ANKRD28: variants seen among roughly 807,000 people sequenced by gnomAD.
ANKRD28 encodes ankyrin repeat domain 28.
Under a neutral mutation model 126.5 loss-of-function variants are expected in ANKRD28, and 44 were observed. That is an observed-to-expected ratio of 0.35 (90% CI 0.27 to 0.45). The LOEUF (loss-of-function observed/expected upper bound fraction) is 0.45. ANKRD28 is among the 20% of genes least tolerant of loss of function. The pLI, the probability that ANKRD28 is intolerant of heterozygous loss-of-function variation, is 1.00. For synonymous variants in ANKRD28, 442 were observed against 468.5 expected (o/e 0.94, Z 0.73); for missense variants, 1,110 against 1,316.6 (o/e 0.84, Z 2.43).
intron 1 of ANKRD28, among the ~76,000 whole-genome samples, chr3:15,849,237 T>C (rs1335904596): frequency 6.6e-6 from 1 of 152,222 alleles, no homozygotes; most frequent in African/African-American, 2.4e-5. Flanking sequence ...AATTGATCTA[T>C]TGATTCAATA....
Position 15,721,000 on chromosome 3 carries a change from G to A in ANKRD28, c.911C>T (p.Thr304Ile). 6.2e-7 allele frequency: 1 copy of A among 1,613,874 alleles called. No individual in the cohort carries two copies. The highest frequency in any genetic ancestry group is 8.5e-7 in the Non-Finnish European group (1 of 1,179,818). ...IVNQKNEKGF[T>I]PLHFAAASTH... ...TGATGCAGCAGCAAAGTGCAAAGGA[G>A]TAAATCCTTTTTCATTCTTTTGATT... is the stretch of plus-strand genomic sequence containing the variant. Residue 304 changes from threonine (T) to isoleucine (I), a missense_variant, in exon 8 of 28, where the codon ACT becomes ATT. Physicochemically the swap from Thr to Ile is moderately conservative, Grantham distance 89 (BLOSUM62 -1). Transcript: ENST00000683139.
chr3:15,716,749 T>TA lies in ANKRD28; in HGVS notation c.997-2094dup, dbSNP rs568178817. Among the ~76,000 whole-genome samples, 6 of 152,308 alleles carry TA rather than the reference T, an allele frequency of 3.9e-5. No individual in the cohort carries two copies. The South Asian group carries it at 1.2e-3, about 32-fold the overall frequency. On this transcript the variant is annotated intron_variant, in intron 8 of 27. Transcript: ENST00000683139. Reference sequence around the variant, plus strand: ...TAACAAAATGATGAAATTTGGAAGATATAACTATAGTTAACATTTATGTAT... The same window carrying TA: ...TAACAAAATGATGAAATTTGGAAGATAATAACTATAGTTAACATTTATGTAT...
chr3:15,811,479 G>A (rs1011621926), intron 1 of ANKRD28, among the ~76,000 whole-genome samples: 5 of 151,926 alleles, frequency 3.3e-5, no homozygotes. Context: ...TTTTGAGATA[G>A]AGTCTTGCTC....
At chr3:15,834,600 C>A (rs1293434592) in intron 1 of ANKRD28, among the ~76,000 whole-genome samples, 1 of 152,064 alleles carries the variant, frequency 6.6e-6, no homozygotes, top group Non-Finnish European at 1.5e-5. Flanking sequence ...AGCTAATCAT[C>A]ATAAGGATTG....
chr3:15,744,774 T>C (rs371716993), intron 4 of ANKRD28, among the ~76,000 whole-genome samples: 79 of 152,334 alleles, frequency 5.2e-4, no homozygotes, highest in African/African-American at 1.9e-3. Context: ...AGTGGTGGGA[T>C]TGCTGGATCA....
At position 15,685,985 on chromosome 3, in the gene ANKRD28, A is replaced by G. The variant is rs748403382; in HGVS notation, c.2169+17T>C. ...TCATAAAAGCTTTTTGAAAGGAAAG[A>G]GCATATTTCTGCTTACCCCTCTATG... is the stretch of plus-strand genomic sequence containing the variant. On this transcript the variant is annotated intron_variant, in intron 20 of 27. Transcript: ENST00000683139. The G allele has an allele frequency of 4.4e-6, 7 of 1,596,634 alleles. No homozygotes were observed. The highest frequency in any genetic ancestry group is 6.0e-6 in the Non-Finnish European group (7 of 1,166,500).
rs1026560323 is a variant in ANKRD28 at position 15,839,285 on chromosome 3, A to C, written c.27+20092T>G. Among the ~76,000 whole-genome samples, 4 of 152,104 alleles carry C rather than the reference A, an allele frequency of 2.6e-5. No homozygotes were observed. Among genetic ancestry groups the C allele is most frequent in the East Asian group, 1.9e-4 (1 of 5,202 alleles). On this transcript the variant is annotated intron_variant, in intron 1 of 27. Transcript: ENST00000399451. This position sits in a 1 kb window ranked among gnomAD's most constrained non-coding sequence, Gnocchi z 4.3. The stretch of plus-strand genomic sequence containing the variant: ...ACCTCAATAAACTGTTAAAAAAAAA[A>C]CACACTGATCTAACCAATCACCAGC...
chr3:15,702,393 A>G (rs1011537961), intron 14 of ANKRD28, among the ~76,000 whole-genome samples: 1 of 152,230 alleles, frequency 6.6e-6, no homozygotes, highest in African/African-American at 2.4e-5. Flanking sequence ...CTGTTTGCAC[A>G]TTAACACATG....
intron 2 of ANKRD28, among the ~76,000 whole-genome samples, chr3:15,770,281 T>TA (rs1383933066): frequency 1.3e-5 from 2 of 152,062 alleles, no homozygotes; most frequent in Admixed American, 6.5e-5. Flanking sequence ...TGTGGAACCT[T>TA]AAAGTTTCAG....
At chr3:15,834,636 G>C (rs1435073634) in intron 1 of ANKRD28, among the ~76,000 whole-genome samples, 1 of 152,138 alleles carries the variant, frequency 6.6e-6, no homozygotes, top group Non-Finnish European at 1.5e-5. Flanking sequence ...GGCAAGACTG[G>C]AGAAGGGGAC....
chr3:15,772,938 G>A (rs1314056144), intron 2 of ANKRD28, among the ~76,000 whole-genome samples: 3 of 152,066 alleles, frequency 2.0e-5, no homozygotes, highest in African/African-American at 4.8e-5. Context: ...ACAGCTGACA[G>A]GTAATTTAAT....
chr3:15,785,614 T>C (rs548840454), intron 2 of ANKRD28, among the ~76,000 whole-genome samples: 27 of 152,210 alleles, frequency 1.8e-4, no homozygotes, highest in Non-Finnish European at 3.5e-4. Flanking sequence ...ATACCTGCTA[T>C]GAGTGCACAC....
chr3:15,762,840 G>C (rs2058562295), intron 3 of ANKRD28, among the ~76,000 whole-genome samples: 1 of 152,026 alleles, frequency 6.6e-6, no homozygotes, highest in African/African-American at 2.4e-5. Flanking sequence ...AATCTCATTT[G>C]CTTCTTTAAG....
In ANKRD28 at chr3:15,838,623, C is replaced by A. The variant is rs532683205; in HGVS notation, c.27+20754G>T. Among the ~76,000 whole-genome samples the A allele has an allele frequency of 6.6e-6, 1 of 151,990 alleles. No homozygotes were observed. Reference sequence around the variant, plus strand: ...CTTAGTCGGGCATGGTGGCACATGCCTGTAATCCCAGCTACTTGGGAGGCT... The same window carrying A: ...CTTAGTCGGGCATGGTGGCACATGCATGTAATCCCAGCTACTTGGGAGGCT... On this transcript the variant is annotated intron_variant, in intron 1 of 27. Transcript: ENST00000399451. This position sits in a 1 kb window ranked among gnomAD's most constrained non-coding sequence, Gnocchi z 4.0.
At chr3:15,805,230 A>T (rs567504528) in intron 1 of ANKRD28, among the ~76,000 whole-genome samples, 1 of 151,948 alleles carries the variant, frequency 6.6e-6, no homozygotes, top group Non-Finnish European at 1.5e-5. Context: ...TACACCTAAT[A>T]TGCCAAAACT....
chr3:15,686,873 A>G (rs372799848), intron 18 of ANKRD28, among the ~76,000 whole-genome samples: 16 of 152,332 alleles, frequency 1.1e-4, no homozygotes, highest in African/African-American at 3.8e-4. Flanking sequence ...GTAAGAGAAT[A>G]ACAGAATTTA....
At chr3:15,752,081 C>T (rs979215475) in intron 3 of ANKRD28, among the ~76,000 whole-genome samples, 8 of 151,872 alleles carry the variant, frequency 5.3e-5, no homozygotes, top group African/African-American at 1.9e-4. Context: ...GTTAGAAAAG[C>T]CACCTTTATA....
In ANKRD28 at chr3:15,670,556, C is replaced by T. The variant is rs776973364; in HGVS notation, c.2966G>A (p.Gly989Asp). 3 of 1,606,694 alleles carry T rather than the reference C, an allele frequency of 1.9e-6. No homozygotes were observed. Among genetic ancestry groups the T allele is most frequent in the South Asian group, 1.1e-5 (1 of 90,248 alleles). The part of the protein sequence containing the change: ...GASVLAVDEN[G>D]YTPALACAPN... Reference sequence around the variant, plus strand: ...AGCACAGGCCAAAGCTGGGGTATAGCCTAGAATTAAAGATAAAATTTAAAA... The same window carrying T: ...AGCACAGGCCAAAGCTGGGGTATAGTCTAGAATTAAAGATAAAATTTAAAA... Residue 989 changes from glycine to aspartate, a missense_variant and splice_region_variant, in exon 28 of 28, where the codon GGC (glycine) becomes GAC (aspartate). Physicochemically the swap from Gly to Asp is moderately conservative, Grantham distance 94. Transcript: ENST00000683139.
chr3:15,777,076 C>T (rs2059306946), intron 2 of ANKRD28, among the ~76,000 whole-genome samples: 1 of 152,004 alleles, frequency 6.6e-6, no homozygotes, highest in South Asian at 2.1e-4. Context: ...GAGATCGAGA[C>T]CATCCTGGTT....
Sources: allele counts gnomAD v4.1 joint callset (sites outside exome capture counted in the v4.1 genomes callset), GRCh38; gene constraint gnomAD v4.1.1; non-coding constraint Gnocchi (gnomAD v3.1); transcripts MANE v1.5; gene names NCBI Gene and HGNC (gene_info 2026-07-23, HGNC 2026-07-21).